Variants in SPG11 observed in about 807,000 individuals in gnomAD.
The protein encoded by SPG11 is SPG11 vesicle trafficking associated, spatacsin, also known as spatacsin.
SPG11 carries 222 observed loss-of-function variants against 274.0 expected under a neutral mutation model. That is an observed-to-expected ratio of 0.81 (90% CI 0.73 to 0.91). SPG11 has a LOEUF of 0.91. Ranked by LOEUF, SPG11 falls within the 40% of genes least tolerant of loss-of-function variation. The pLI is 0.00. For missense variants in SPG11, 3,114 were observed against 2,872.7 expected (o/e 1.08, Z -1.92); for synonymous variants, 1,144 against 1,039.7 (o/e 1.10, Z -1.93).
chr15:44,622,033 A>G (rs773857874), intron 13 of SPG11, 99 bp from the exon 14 acceptor site: 2 of 1,172,752 alleles, frequency 1.7e-6, no homozygotes, highest in Non-Finnish European at 2.4e-6. Flanking sequence ...TGGGGAACAC[A>G]TAATTCTGAT....
rs747133152 is a variant in SPG11, at chr15:44,565,920, T to TAAC, written c.6932_6933insGTT (p.Thr2311_Met2312insLeu). On this transcript the variant is annotated inframe_insertion, in exon 38 of 40. Coordinates refer to ENST00000261866, the MANE Select transcript of SPG11 (RefSeq NM_025137.4). ...TGTGGCGGCCCAAGTTGATGAGCATTGTGTTCTGGCCAGTGTTCAGAAAGT... is the reference window on the plus strand; with the variant it reads ...TGTGGCGGCCCAAGTTGATGAGCATTAACGTGTTCTGGCCAGTGTTCAGAAAGT... 44 of 1,613,798 alleles carry TAAC rather than the reference T, an allele frequency of 2.7e-5. No homozygotes were observed. The highest frequency in any genetic ancestry group is 3.6e-5 in the Non-Finnish European group (43 of 1,179,998).
intron 30 of SPG11, among the ~76,000 whole-genome samples, chr15:44,579,526 C>CAAAAAAAA (rs954664107): frequency 4.3e-4 from 22 of 51,744 alleles, no homozygotes; most frequent in African/African-American, 5.2e-4. Context: ...GACTCCGTCT[C>CAAAAAAAA]AAAAAAAAAA....
intron 7 of SPG11, among the ~76,000 whole-genome samples, chr15:44,636,958 C>CAAAAAAAAAAAAAA (rs1328250311): frequency 1.1e-5 from 1 of 89,100 alleles, no homozygotes. Flanking sequence ...AAAAAAAAAA[C>CAAAAAAAAAAAAAA]AAAAAAAAAA....
Position 44,608,556 on chromosome 15 carries a change from T to C in SPG11, c.3341A>G (p.Gln1114Arg). 6.2e-7 allele frequency: 1 copy of C among 1,614,134 alleles called. No individual in the cohort carries two copies. The highest frequency in any genetic ancestry group is 2.2e-5 in the East Asian group (1 of 44,870). The change falls in exon 19 of 40, where the codon CAG (glutamine) becomes CGG (arginine). Residue 1114 changes from glutamine to arginine, a missense_variant. Transcript: ENST00000261866. ...NENCLKKVDP[Q>R]LLKMALTPYP... Reference sequence around the variant, plus strand: ...AGGAGTTAATGCCATCTTCAATAGCTGGGGATCCACTTTCTTCAAACAGTT... The same window carrying C: ...AGGAGTTAATGCCATCTTCAATAGCCGGGGATCCACTTTCTTCAAACAGTT...
Position 44,583,307 on chromosome 15 carries a change from C to T in SPG11, c.5866+507G>A, listed in dbSNP as rs536006248. Among the ~76,000 whole-genome samples the T allele has an allele frequency of 5.3e-5, 8 of 152,234 alleles. No homozygotes were observed. In the South Asian group the frequency reaches 8.3e-4, roughly 16 times the overall value. ...CCAGCCTGGCCAACATGGTGAAACC[C>T]GGTCTCTACTAATACAAAAATTAGC... On this transcript the variant is annotated intron_variant, in intron 30 of 39. Transcript: ENST00000261866.
intron 7 of SPG11, among the ~76,000 whole-genome samples, chr15:44,643,015 T>G (rs2084498867): frequency 6.6e-6 from 1 of 152,214 alleles, no homozygotes; most frequent in Admixed American, 6.5e-5. Flanking sequence ...ACAAGAATAT[T>G]TGTTTTACTA....
chr15:44,639,405 T>G (rs1050115671), intron 7 of SPG11, among the ~76,000 whole-genome samples: 4 of 151,728 alleles, frequency 2.6e-5, no homozygotes, highest in Non-Finnish European at 5.9e-5. Flanking sequence ...AGTACCCCAA[T>G]TAAGAAAAAA....
rs745484845 is a variant in SPG11 at position 44,622,283 on chromosome 15, T to C, written c.2381A>G (p.His794Arg). The change falls in exon 13 of 40, where the codon CAT becomes CGT. Residue 794 changes from histidine (H) to arginine (R), a missense_variant. Physicochemically the swap from His to Arg is conservative, Grantham distance 29 (BLOSUM62 0). Coordinates refer to ENST00000261866, the MANE Select transcript of SPG11 (RefSeq NM_025137.4). ...EKEKRTIDFV[H>R]QVEKLYLGHF... ...TCCCAAATAAAGCTTCTCAACTTGATGCACGAAGTCTATAGTTCTTTTCTC... is the reference window on the plus strand; with the variant it reads ...TCCCAAATAAAGCTTCTCAACTTGACGCACGAAGTCTATAGTTCTTTTCTC... 3.1e-6 allele frequency: 5 copies of C among 1,599,844 alleles called. No homozygotes were observed. The East Asian group carries it at 9.0e-5, about 29-fold the overall frequency.
At chr15:44,579,367 A>T (rs568913095) in intron 30 of SPG11, among the ~76,000 whole-genome samples, 14 of 151,244 alleles carry the variant, frequency 9.3e-5, no homozygotes, top group South Asian at 6.3e-4. Flanking sequence ...TCTACTAAAA[A>T]TACACAAACA....
In SPG11 at chr15:44,583,832, G is replaced by A. The variant is rs758810317; in HGVS notation, c.5848C>T (p.Leu1950=). The A allele has an allele frequency of 1.2e-6, 2 of 1,614,062 alleles. No individual in the cohort carries two copies. The highest frequency in any genetic ancestry group is 1.3e-5 in the African/African-American group (1 of 74,920). ...CACTTACTGCTGTGGACTCTCCTTAGGGGAATGTCGGGTGCTTCTTCCTCA... is the reference window on the plus strand; with the variant it reads ...CACTTACTGCTGTGGACTCTCCTTAAGGGAATGTCGGGTGCTTCTTCCTCA... ...LLEEEAPDIP[L]RRVHSTSSLD... Residue 1950 remains leucine (L), a synonymous_variant, in exon 30 of 40, where the codon CTA becomes TTA. Coordinates refer to ENST00000261866, the MANE Select transcript of SPG11 (RefSeq NM_025137.4).
intron 7 of SPG11, among the ~76,000 whole-genome samples, chr15:44,636,925 CAAAAAAAAAAAA>C (rs370928375): frequency 5.1e-5 from 1 of 19,454 alleles, no homozygotes; most frequent in African/African-American, 3.1e-4. Flanking sequence ...GACTCCATCT[CAAAAAAAAAAAA>C]AAAAAAAAAA....
At chr15:44,642,160 G>A (rs2084468837) in intron 7 of SPG11, among the ~76,000 whole-genome samples, 1 of 150,944 alleles carries the variant, frequency 6.6e-6, no homozygotes, top group Non-Finnish European at 1.5e-5. Flanking sequence ...TGAGGTCAGA[G>A]TTCGAGACCA....
rs2082921518 is a variant in SPG11 at position 44,592,313 on chromosome 15, A to G, written c.4743+18T>C. ...CAAGTGCAGATCAGTGAGAAAGAGC[A>G]CCATAATTCCAACTTACCGTTTCAA... On this transcript the variant is annotated intron_variant, in intron 27 of 39. Transcript: ENST00000261866. 1.4e-6 allele frequency: 2 copies of G among 1,459,030 alleles called. No homozygotes were observed. Among genetic ancestry groups the G allele is most frequent in the Non-Finnish European group, 1.9e-6 (2 of 1,038,776 alleles). The allele number at this position is 1,459,030 out of a possible 1,614,324, so 90.4% of individuals were successfully genotyped here. A position where few individuals can be genotyped will look rare whatever the true frequency, so the allele number is the denominator to read the frequency against.
rs76116949 is a variant in SPG11, at chr15:44,563,197, T to C, written c.7256A>G (p.Lys2419Arg). Residue 2419 changes from lysine to arginine, a missense_variant, in exon 40 of 40, where the codon AAG (lysine) becomes AGG (arginine). Coordinates refer to ENST00000261866, the MANE Select transcript of SPG11 (RefSeq NM_025137.4). ...AAGCACATTTACAATTTCATAAAACTTGTGTTCGTATGCCAACTTGTAATA... is the reference window on the plus strand; with the variant it reads ...AAGCACATTTACAATTTCATAAAACCTGTGTTCGTATGCCAACTTGTAATA... ...YLYYKLAYEH[K>R]FYEIVNVLLK... 2.2e-3 allele frequency: 3,583 copies of C among 1,614,190 alleles called. 87 individuals carry two copies. In the African/African-American group the frequency reaches 0.042, roughly 19 times the overall value.
In SPG11 at chr15:44,596,818, A is replaced by G. The variant is rs2083055351; in HGVS notation, c.4127T>C (p.Ile1376Thr). 6.2e-7 allele frequency: 1 copy of G among 1,614,138 alleles called. No homozygotes were observed. ...AKANDWLQFI[I>T]HSQLHNYHPA... ...GTGGTAGTTGTGGAGTTGGCTGTGAATAATGAACTGCAGCCAATCATTTGC... is the reference window on the plus strand; with the variant it reads ...GTGGTAGTTGTGGAGTTGGCTGTGAGTAATGAACTGCAGCCAATCATTTGC... Residue 1376 changes from isoleucine (I) to threonine (T), a missense_variant, in exon 24 of 40, where the codon ATT becomes ACT. Physicochemically the swap from Ile to Thr is moderately conservative, Grantham distance 89. Coordinates refer to ENST00000261866, the MANE Select transcript of SPG11 (RefSeq NM_025137.4).
intron 11 of SPG11, among the ~76,000 whole-genome samples, chr15:44,625,134 CAAA>C (rs78780878): frequency 6.2e-5 from 5 of 80,968 alleles, no homozygotes; most frequent in Admixed American, 1.4e-4. Flanking sequence ...AACTCTGTCT[CAAA>C]AAAAAAAAAA....
chr15:44,658,103 T>C (rs193293163), intron 3 of SPG11, among the ~76,000 whole-genome samples: 31 of 152,380 alleles, frequency 2.0e-4, no homozygotes, highest in African/African-American at 7.5e-4. Flanking sequence ...ATATGCTTAA[T>C]AGCCACATAC....
intron 26 of SPG11, among the ~76,000 whole-genome samples, chr15:44,594,172 A>G (rs1014088929): frequency 6.6e-6 from 1 of 151,304 alleles, no homozygotes; most frequent in Non-Finnish European, 1.5e-5. Flanking sequence ...ACGCCTGTAA[A>G]TCCCAGCGCT....
chr15:44,624,873 G>A (rs887044731), intron 11 of SPG11, among the ~76,000 whole-genome samples: 2 of 152,070 alleles, frequency 1.3e-5, no homozygotes, highest in African/African-American at 4.8e-5. Flanking sequence ...GGTGGCTCAC[G>A]CCTGTAATCC....
Sources: allele counts gnomAD v4.1 joint callset (sites outside exome capture counted in the v4.1 genomes callset), GRCh38; gene constraint gnomAD v4.1.1; transcripts MANE v1.5; gene names NCBI Gene and HGNC (gene_info 2026-07-23, HGNC 2026-07-21).